The following TMEM132D variants were observed in gnomAD, a reference collection of about 807,000 sequenced individuals.
TMEM132D encodes mature OL transmembrane protein.
In TMEM132D, 21 loss-of-function variants were observed where a neutral mutation model predicts 62.3. The observed-to-expected ratio is 0.34, with a 90% CI of 0.24 to 0.49. TMEM132D has a LOEUF of 0.49. Among genes scored for constraint, TMEM132D ranks in the 20% least tolerant of loss-of-function variants. The pLI is 0.99. For synonymous variants in TMEM132D, 621 were observed against 575.6 expected (o/e 1.08, Z -1.13); for missense variants, 1,346 against 1,402.8 (o/e 0.96, Z 0.65).
chr12:129,831,844 T>G (rs1872843745), intron 1 of TMEM132D, among the ~76,000 whole-genome samples: 1 of 149,784 alleles, frequency 6.7e-6, no homozygotes, highest in Non-Finnish European at 1.5e-5. Context: ...TTGAAGCATT[T>G]TTTTTTCTTT....
chr12:129,803,660 G>T (rs1371559895), intron 1 of TMEM132D, among the ~76,000 whole-genome samples: 3 of 151,126 alleles, frequency 2.0e-5, no homozygotes, highest in East Asian at 4.0e-4. Context: ...ACATTCAAAA[G>T]CTAGCAGAAG....
intron 3 of TMEM132D, among the ~76,000 whole-genome samples, chr12:129,358,689 C>A (rs1012766491): frequency 1.3e-5 from 2 of 152,156 alleles, no homozygotes; most frequent in African/African-American, 4.8e-5. Flanking sequence ...AAATAACAGT[C>A]TATCTCAGAG....
intron 3 of TMEM132D, among the ~76,000 whole-genome samples, chr12:129,385,219 C>A (rs1566052285): frequency 6.7e-6 from 1 of 150,244 alleles, no homozygotes; most frequent in East Asian, 2.0e-4. Flanking sequence ...CATTCTCCTG[C>A]CTTAGCCTCC....
intron 3 of TMEM132D, among the ~76,000 whole-genome samples, chr12:129,453,048 G>C (rs551034774): frequency 1.1e-4 from 17 of 152,164 alleles, no homozygotes; most frequent in African/African-American, 3.6e-4. Context: ...CAGATCAGGG[G>C]CAGCATTAGA....
chr12:129,330,428 G>A (rs567530081), intron 4 of TMEM132D, among the ~76,000 whole-genome samples: 1 of 152,280 alleles, frequency 6.6e-6, no homozygotes, highest in East Asian at 1.9e-4. Context: ...CCCCACTGTG[G>A]CAATACTGAG....
intron 3 of TMEM132D, among the ~76,000 whole-genome samples, chr12:129,479,162 T>C (rs2137052142): frequency 6.6e-6 from 1 of 152,294 alleles, no homozygotes; most frequent in East Asian, 1.9e-4. Context: ...ATTCCCAGTA[T>C]AGGGCTGATG....
intron 2 of TMEM132D, among the ~76,000 whole-genome samples, chr12:129,682,061 C>A (rs967808399): frequency 2.0e-5 from 3 of 152,194 alleles, no homozygotes; most frequent in Non-Finnish European, 4.4e-5. Context: ...GAAAATGCCT[C>A]CTAAGCAGCT....
intron 2 of TMEM132D, among the ~76,000 whole-genome samples, chr12:129,579,250 A>G (rs531687282): frequency 3.8e-4 from 58 of 152,360 alleles, no homozygotes; most frequent in African/African-American, 1.4e-3. Flanking sequence ...TGAAATCTCA[A>G]TGAAACCTAC....
chr12:129,773,661 A>G (rs1565980801), intron 1 of TMEM132D, among the ~76,000 whole-genome samples: 2 of 152,174 alleles, frequency 1.3e-5, no homozygotes, highest in Admixed American at 6.5e-5. Flanking sequence ...AGCAGGATTA[A>G]CTAGACCAAG....
chr12:129,636,860 A>G (rs572034992), intron 2 of TMEM132D, among the ~76,000 whole-genome samples: 2 of 152,166 alleles, frequency 1.3e-5, no homozygotes, highest in South Asian at 4.2e-4. Context: ...TCCATATTTG[A>G]CAATTGGAAT....
intron 1 of TMEM132D, among the ~76,000 whole-genome samples, chr12:129,797,436 G>C (rs937063560): frequency 6.6e-6 from 1 of 152,218 alleles, no homozygotes; most frequent in East Asian, 1.9e-4. Context: ...CATGCAGTTT[G>C]CAGGGACCTG....
At chr12:129,463,201 G>T (rs554276130) in intron 3 of TMEM132D, among the ~76,000 whole-genome samples, 1 of 152,170 alleles carries the variant, frequency 6.6e-6, no homozygotes, top group African/African-American at 2.4e-5. Context: ...CTACTTAGAA[G>T]ATGCAGGAAC....
At chr12:129,146,865 G>A (rs1876914403) in intron 5 of TMEM132D, among the ~76,000 whole-genome samples, 1 of 152,158 alleles carries the variant, frequency 6.6e-6, no homozygotes, top group Non-Finnish European at 1.5e-5. Context: ...TCCTTTAAGA[G>A]GTACTGCTGT....
chr12:129,301,278 T>C (rs1218966375), intron 4 of TMEM132D, among the ~76,000 whole-genome samples: 1 of 152,190 alleles, frequency 6.6e-6, no homozygotes, highest in African/African-American at 2.4e-5. Context: ...TGGTCTTATC[T>C]AGTCCCTATA....
At position 129,296,252 on chromosome 12, in the gene TMEM132D, A is replaced by C. The variant is rs1250915379; in HGVS notation, c.1299+41382T>G. On this transcript the variant is annotated intron_variant, in intron 4 of 8. Transcript: ENST00000422113. ...ACACTCTTCTGATTGCTTTTTATGCACTGCGTGATTTTGAGTACGTTATCT... is the reference window on the plus strand; with the variant it reads ...ACACTCTTCTGATTGCTTTTTATGCCCTGCGTGATTTTGAGTACGTTATCT... Among the ~76,000 whole-genome samples, 9 of 152,192 alleles carry C rather than the reference A, an allele frequency of 5.9e-5. No homozygotes were observed. The South Asian group carries it at 1.7e-3, about 28-fold the overall frequency.
At chr12:129,337,254 G>A (rs1172353278) in intron 4 of TMEM132D, among the ~76,000 whole-genome samples, 2 of 151,918 alleles carry the variant, frequency 1.3e-5, no homozygotes, top group Non-Finnish European at 2.9e-5. Flanking sequence ...GATCTACATG[G>A]ACTCCAGAGC....
intron 1 of TMEM132D, among the ~76,000 whole-genome samples, chr12:129,752,988 G>C (rs1408339487): frequency 6.6e-6 from 1 of 152,198 alleles, no homozygotes; most frequent in East Asian, 1.9e-4. Flanking sequence ...TGTTGGACAG[G>C]CAAAAGACAC....
At chr12:129,712,265 C>T (rs776363084) in intron 1 of TMEM132D, among the ~76,000 whole-genome samples, 4 of 152,100 alleles carry the variant, frequency 2.6e-5, no homozygotes, top group African/African-American at 7.2e-5. Context: ...GCTGAAATTA[C>T]AGGCTCACAC....
rs533502908 is a variant in TMEM132D, at chr12:129,356,952, G to GAGGGGA, written c.1116-19141_1116-19136dup. ...GAGGAGAGGGGAGGGGAGGGGAGGGGAGGGGAGGGCAAGGCCGGGCCTGAT... is the reference window on the plus strand; with the variant it reads ...GAGGAGAGGGGAGGGGAGGGGAGGGGAGGGGAAGGGGAGGGCAAGGCCGGGCCTGAT... On this transcript the variant is annotated intron_variant, in intron 3 of 8. Transcript: ENST00000422113. Among the ~76,000 whole-genome samples, 3,481 of 136,650 alleles carry GAGGGGA rather than the reference G, an allele frequency of 0.025. 360 individuals are homozygous for GAGGGGA. The East Asian group carries it at 0.38, about 15-fold the overall frequency. The allele number at this position is 136,650 out of a possible 152,430, so 89.6% of individuals were successfully genotyped here.
Sources: gnomAD v4.1 joint callset for allele counts (sites outside exome capture counted in the v4.1 genomes callset) on GRCh38, gnomAD v4.1.1 for gene constraint, MANE v1.5 for transcripts, NCBI Gene and HGNC (gene_info 2026-07-23, HGNC 2026-07-21) for gene names.